Variants in NAV2 observed in about 807,000 individuals in gnomAD.
NAV2 encodes helicase, APC down-regulated 1.
NAV2 carries 54 observed loss-of-function variants against 223.2 expected under a neutral mutation model. That is an observed-to-expected ratio of 0.24 (90% CI 0.19 to 0.30). The LOEUF (loss-of-function observed/expected upper bound fraction) is 0.30, where lower values mean the gene tolerates loss of function less well. Ranked by LOEUF, NAV2 falls within the 10% of genes least tolerant of loss-of-function variation. The pLI, the probability that NAV2 is intolerant of heterozygous loss-of-function variation, is 1.00. For synonymous variants in NAV2, 1,279 were observed against 1,239.3 expected (o/e 1.03, Z -0.67); for missense variants, 2,806 against 3,147.5 (o/e 0.89, Z 2.60).
chr11:19,350,736 G>A (rs569900785), exon 1 of NAV2: 46 of 567,812 alleles, frequency 8.1e-5, no homozygotes, highest in African/African-American at 7.3e-4. Context: ...TCATGATGCC[G>A]GCAGCAGTCA....
At chr11:19,926,881 G>C (rs1298816596) in intron 6 of NAV2, among the ~76,000 whole-genome samples, 1 of 152,152 alleles carries the variant, frequency 6.6e-6, no homozygotes, top group African/African-American at 2.4e-5. Context: ...GTGCCTGTTG[G>C]CATCAGGACC....
chr11:19,792,496 C>G (rs896148727), intron 1 of NAV2, among the ~76,000 whole-genome samples: 2 of 152,180 alleles, frequency 1.3e-5, no homozygotes, highest in African/African-American at 4.8e-5. Flanking sequence ...CTGTATGCAC[C>G]TCACGCTTCC....
intron 1 of NAV2, among the ~76,000 whole-genome samples, chr11:19,735,373 T>C (rs1247485258): frequency 6.6e-6 from 1 of 152,212 alleles, no homozygotes; most frequent in Non-Finnish European, 1.5e-5. Context: ...TCCCTTGGCA[T>C]CCTAGGCAGG....
intron 1 of NAV2, among the ~76,000 whole-genome samples, chr11:19,715,650 G>C (rs1002702476): frequency 6.6e-6 from 1 of 152,208 alleles, no homozygotes. Flanking sequence ...TCAGAGGACT[G>C]GCAGTGCATA....
At chr11:19,761,782 A>T (rs961395308) in intron 1 of NAV2, among the ~76,000 whole-genome samples, 1 of 152,224 alleles carries the variant, frequency 6.6e-6, no homozygotes, top group African/African-American at 2.4e-5. Flanking sequence ...CCTCATCTCC[A>T]CATTTAACCT....
chr11:19,879,789 A>G (rs2063085189), intron 4 of NAV2, 80 bp from the exon 5 acceptor site: 1 of 1,538,906 alleles, frequency 6.5e-7, no homozygotes. Flanking sequence ...AAGAAATCAA[A>G]CTCACGTGCC....
intron 10 of NAV2, among the ~76,000 whole-genome samples, chr11:19,961,940 G>A (rs940139107): frequency 1.3e-5 from 2 of 151,992 alleles, no homozygotes; most frequent in East Asian, 2.0e-4. Context: ...CCAGAGAAAC[G>A]AAACCAATAG....
intron 24 of NAV2, among the ~76,000 whole-genome samples, chr11:20,079,725 G>C (rs1179868691): frequency 3.3e-5 from 5 of 152,174 alleles, no homozygotes; most frequent in African/African-American, 1.2e-4. Context: ...GCAGGAGAGG[G>C]AGGGGGCTAG....
chr11:19,780,414 G>A (rs1055710785), intron 1 of NAV2, among the ~76,000 whole-genome samples: 11 of 152,242 alleles, frequency 7.2e-5, no homozygotes, highest in Admixed American at 2.0e-4. Flanking sequence ...GGCAGAGCAA[G>A]GAGAAACAAT....
chr11:19,834,573 G>A (rs2060135018), intron 2 of NAV2, among the ~76,000 whole-genome samples: 1 of 150,092 alleles, frequency 6.7e-6, no homozygotes, highest in Non-Finnish European at 1.5e-5. Context: ...TTTTTCTTTG[G>A]TAGGATGGTC....
rs1279770710 is a variant in NAV2 at position 19,619,074 on chromosome 11, C to A, written c.76-213410C>A. Reference sequence around the variant, plus strand: ...GTTTCAATCTTCATCCATGTCCCTACAAAGGACATGAACTCATCCTGTGTT... The same window carrying A: ...GTTTCAATCTTCATCCATGTCCCTAAAAAGGACATGAACTCATCCTGTGTT... On this transcript the variant is annotated intron_variant, in intron 1 of 37. Coordinates refer to the NAV2 transcript ENST00000360655. 2.0e-5 allele frequency among the ~76,000 whole-genome samples: 3 copies of A among 148,290 alleles called. No individual in the cohort carries two copies. In the East Asian group the frequency reaches 6.0e-4, roughly 30 times the overall value.
intron 1 of NAV2, among the ~76,000 whole-genome samples, chr11:19,717,649 G>A (rs994437043): frequency 6.6e-6 from 1 of 152,222 alleles, no homozygotes; most frequent in South Asian, 2.1e-4. Context: ...GCAGCTGAAG[G>A]ATTGGATTTG....
At chr11:19,558,661 C>CTTACT (rs2044987528) in intron 1 of NAV2, among the ~76,000 whole-genome samples, 1 of 152,216 alleles carries the variant, frequency 6.6e-6, no homozygotes, top group Admixed American at 6.5e-5. Flanking sequence ...AGCATTTTCA[C>CTTACT]TTAACACCCT....
chr11:20,056,436 A>T, intron 19 of NAV2: 1 of 863,336 alleles, frequency 1.2e-6, no homozygotes, highest in Non-Finnish European at 1.9e-6. Flanking sequence ...CTGGGTTTTT[A>T]AGTGTATTGT....
chr11:19,520,750 C>A (rs1291147125), intron 1 of NAV2, among the ~76,000 whole-genome samples: 1 of 152,174 alleles, frequency 6.6e-6, no homozygotes, highest in African/African-American at 2.4e-5. Flanking sequence ...TGCACTTTGC[C>A]AAGCGAGGGC....
intron 1 of NAV2, among the ~76,000 whole-genome samples, chr11:19,760,799 T>C (rs1039684306): frequency 2.0e-5 from 3 of 152,048 alleles, no homozygotes; most frequent in Non-Finnish European, 4.4e-5. Context: ...CCCTGAGCTC[T>C]ATAGGGAAAA....
intron 1 of NAV2, among the ~76,000 whole-genome samples, chr11:19,470,718 A>C (rs2041937205): frequency 6.6e-6 from 1 of 152,042 alleles, no homozygotes; most frequent in African/African-American, 2.4e-5. Context: ...GCAGGGTTAG[A>C]GGAACCAATG....
intron 6 of NAV2, among the ~76,000 whole-genome samples, chr11:19,897,891 T>TATATATATATATATAA (rs1266572477): frequency 6.8e-6 from 1 of 146,188 alleles, no homozygotes; most frequent in African/African-American, 2.6e-5. Context: ...GTGATTTATA[T>TATATATATATATATAA]ATATATATAT....
chr11:19,496,811 G>A (rs2042807977), intron 1 of NAV2, among the ~76,000 whole-genome samples: 1 of 152,028 alleles, frequency 6.6e-6, no homozygotes, highest in Non-Finnish European at 1.5e-5. Context: ...TTTACAATGT[G>A]ATCACTAAAA....
Sources: allele counts gnomAD v4.1 joint callset (sites outside exome capture counted in the v4.1 genomes callset), GRCh38; gene constraint gnomAD v4.1.1; transcripts MANE v1.5; gene names NCBI Gene and HGNC (gene_info 2026-07-23, HGNC 2026-07-21).